The following GATA6 variants were observed in gnomAD, a reference collection of about 807,000 sequenced individuals.
GATA6 encodes the protein GATA binding protein 6.
A neutral mutation model predicts 48.1 loss-of-function variants in GATA6; 11 were observed. The ratio of observed to expected loss-of-function variants is 0.23; its 90% CI spans 0.14 to 0.38. The LOEUF is 0.38. Ranked by LOEUF, GATA6 falls within the 10% of genes least tolerant of loss-of-function variation. GATA6 has a pLI of 1.00. For missense variants in GATA6, 795 were observed against 850.3 expected (o/e 0.93, Z 0.81); for synonymous variants, 419 against 396.1 (o/e 1.06, Z -0.69).
In GATA6 at chr18:22,171,258, C is replaced by A. The variant is rs2033036391; in HGVS notation, c.114C>A (p.Pro38=). 6.3e-7 allele frequency: 1 copy of A among 1,598,324 alleles called. No homozygotes were observed. Among genetic ancestry groups the A allele is most frequent in the Non-Finnish European group, 8.5e-7 (1 of 1,178,852 alleles). The change falls in exon 2 of 7, where the codon CCC becomes CCA. Residue 38 remains proline (P), a synonymous_variant. Transcript: ENST00000269216. The surrounding 1 kb of genome is among the most constrained non-coding windows in gnomAD (Gnocchi z 7.1). The part of the protein sequence containing the change: ...PAREPSTPPS[P]ISSSSSSCSR... Reference sequence around the variant, plus strand: ...GGGAGCCCTCCACGCCGCCTTCCCCCATCTCTTCCTCGTCCTCCTCCTGCT... The same window carrying A: ...GGGAGCCCTCCACGCCGCCTTCCCCAATCTCTTCCTCGTCCTCCTCCTGCT...
At position 22,176,678 on chromosome 18, in the gene GATA6, T is replaced by C. The variant is rs188492970; in HGVS notation, c.1136-277T>C. On this transcript the variant is annotated intron_variant, in intron 2 of 6. Transcript: ENST00000269216. ...CAAGCCGACCTCCCCACCGCTCATC[T>C]CGGACTCTGACGTCCTCTGCTTCCA... is the stretch of plus-strand genomic sequence containing the variant. 1.0e-3 allele frequency: 388 copies of C among 387,114 alleles called. 3 individuals carry two copies. The highest frequency in any genetic ancestry group is 1.8e-3 in the Admixed American group (38 of 21,396). The allele number at this position is 387,114 out of a possible 1,614,324, so 24.0% of individuals were successfully genotyped here.
rs57925913 is a variant in GATA6, at chr18:22,191,032, C to CGTGT, written c.1620+8027_1620+8030dup. Reference sequence around the variant, plus strand: ...TTCCTTTTTTTTTTTTTTTAAATCTCGTGTGTGTGTGTGTGTGTGTGTGTG... The same window carrying CGTGT: ...TTCCTTTTTTTTTTTTTTTAAATCTCGTGTGTGTGTGTGTGTGTGTGTGTGTGTG... On this transcript the variant is annotated intron_variant, in intron 6 of 6. Transcript: ENST00000269216. Among the ~76,000 whole-genome samples the CGTGT allele has an allele frequency of 8.0e-3, 964 of 121,176 alleles. 12 individuals are homozygous for CGTGT. The highest frequency in any genetic ancestry group is 0.029 in the East Asian group (120 of 4,210). 79.5% of individuals were successfully genotyped at this position (121,176 alleles called of 152,430 possible). A position where few individuals can be genotyped will look rare whatever the true frequency, so the allele number is the denominator to read the frequency against.
intron 6 of GATA6, among the ~76,000 whole-genome samples, chr18:22,188,071 CTA>C (rs2033285456): frequency 6.6e-6 from 1 of 150,624 alleles, no homozygotes; most frequent in Non-Finnish European, 1.5e-5. Flanking sequence ...ATTTCTGTCT[CTA>C]TTTCTAGTTT....
intron 3 of GATA6, among the ~76,000 whole-genome samples, chr18:22,177,492 T>C (rs2033138338): frequency 6.6e-6 from 1 of 152,236 alleles, no homozygotes; most frequent in Admixed American, 6.5e-5. Flanking sequence ...TCTCTAGGTG[T>C]ACTTGCCAAA....
At chr18:22,175,145 T>A (rs939920032) in intron 2 of GATA6, among the ~76,000 whole-genome samples, 2 of 152,032 alleles carry the variant, frequency 1.3e-5, no homozygotes, top group African/African-American at 4.8e-5. Flanking sequence ...AAGACAGCAT[T>A]TTTTTTTCCT....
chr18:22,178,525 G>A (rs1450268882), intron 3 of GATA6, among the ~76,000 whole-genome samples: 1 of 152,200 alleles, frequency 6.6e-6, no homozygotes, highest in African/African-American at 2.4e-5. Context: ...CTAATTAGCA[G>A]GAACAAATGC....
At chr18:22,196,368 A>T (rs374283393) in intron 6 of GATA6, among the ~76,000 whole-genome samples, 2 of 152,158 alleles carry the variant, frequency 1.3e-5, no homozygotes. Flanking sequence ...ATTTTCGCCA[A>T]TTGCTTTTGG....
At chr18:22,195,767 C>T (rs897257547) in intron 6 of GATA6, among the ~76,000 whole-genome samples, 1 of 152,098 alleles carries the variant, frequency 6.6e-6, no homozygotes, top group Non-Finnish European at 1.5e-5. Context: ...CCATTTTGCT[C>T]CATGATCTTA....
Position 22,200,669 on chromosome 18 carries a change from T to A in GATA6, c.1634T>A (p.Val545Glu), listed in dbSNP as rs750440428. ...CTCTTCTGCCAGGCGGGTGCCCCGGTGATGACTGGTGCGGGAGAGAGCACC... is the reference window on the plus strand; with the variant it reads ...CTCTTCTGCCAGGCGGGTGCCCCGGAGATGACTGGTGCGGGAGAGAGCACC... ...QPTASGAGAPVMTGAGESTNP... is the reference protein window; with the variant it reads ...QPTASGAGAPEMTGAGESTNP... Residue 545 changes from valine to glutamate, a missense_variant, in exon 7 of 7, where the codon GTG (valine) becomes GAG (glutamate). By Grantham distance (121) the Val-to-Glu change is moderately radical (BLOSUM62 -2). Coordinates refer to ENST00000269216, the MANE Select transcript of GATA6 (RefSeq NM_005257.6). The A allele has an allele frequency of 2.5e-6, 4 of 1,614,116 alleles. No individual in the cohort carries two copies. The highest frequency in any genetic ancestry group is 3.4e-6 in the Non-Finnish European group (4 of 1,180,052).
At chr18:22,176,314 AT>A (rs376865272) in intron 2 of GATA6, among the ~76,000 whole-genome samples, 6 of 152,258 alleles carry the variant, frequency 3.9e-5, no homozygotes, top group Non-Finnish European at 8.8e-5. Flanking sequence ...ACGTTAGTGC[AT>A]TTTTCCCCTG....
At position 22,201,775 on chromosome 18, in the gene GATA6, G is replaced by C. The variant is rs1479310031; in HGVS notation, c.*952G>C. On this transcript the variant is annotated 3_prime_UTR_variant, in exon 7 of 7. Coordinates refer to ENST00000269216, the MANE Select transcript of GATA6 (RefSeq NM_005257.6). Reference sequence around the variant, plus strand: ...TTTATTTTACTGTGGAATATGTGCTGGAAAAATTGCAACAACACTTTACTA... The same window carrying C: ...TTTATTTTACTGTGGAATATGTGCTCGAAAAATTGCAACAACACTTTACTA... 6.6e-6 allele frequency: 1 copy of C among 152,506 alleles called. No individual in the cohort carries two copies. The highest frequency in any genetic ancestry group is 2.4e-5 in the African/African-American group (1 of 41,400). The allele number at this position is 152,506 out of a possible 1,614,324, so 9.4% of individuals were successfully genotyped here.
At chr18:22,187,974 C>T (rs748085977) in intron 6 of GATA6, among the ~76,000 whole-genome samples, 12 of 151,830 alleles carry the variant, frequency 7.9e-5, no homozygotes, top group African/African-American at 1.7e-4. Context: ...CAGTGGCTCA[C>T]GCCTGTAATC....
At chr18:22,173,251 C>T (rs1008954405) in intron 2 of GATA6, among the ~76,000 whole-genome samples, 4 of 152,182 alleles carry the variant, frequency 2.6e-5, no homozygotes, top group African/African-American at 9.7e-5. Flanking sequence ...ATTCTGCGTC[C>T]TTGGTGCTTT....
rs2143272545 is a variant in GATA6, at chr18:22,170,933, A to G, written c.-37-175A>G. 3 of 600,160 alleles carry G rather than the reference A, an allele frequency of 5.0e-6. No homozygotes were observed. The highest frequency in any genetic ancestry group is 5.5e-5 in the Admixed American group (2 of 36,652). 37.2% of individuals were successfully genotyped at this position (600,160 alleles called of 1,614,324 possible). On this transcript the variant is annotated intron_variant, in intron 1 of 6. Coordinates refer to ENST00000269216, the MANE Select transcript of GATA6 (RefSeq NM_005257.6). The surrounding 1 kb of genome is among the most constrained non-coding windows in gnomAD (Gnocchi z 6.7). ...TGCGCAGGCTCCCTTCCCCTCCCTT[A>G]TTGATCTCCACGCCCGGGGCAGAAA...
chr18:22,185,487 G>A lies in GATA6; in HGVS notation c.1620+2444G>A, dbSNP rs545064407. On this transcript the variant is annotated intron_variant, in intron 6 of 6. Transcript: ENST00000269216. The surrounding 1 kb of genome is among the most constrained non-coding windows in gnomAD (Gnocchi z 4.3). ...CCGAGCTCTCCAGCCTCTGGGCTGC[G>A]CAGCAGAAACACTGACTGCCATTAC... Among the ~76,000 whole-genome samples, 10 of 152,382 alleles carry A rather than the reference G, an allele frequency of 6.6e-5. No individual in the cohort carries two copies. Among genetic ancestry groups the A allele is most frequent in the South Asian group, 2.1e-4 (1 of 4,832 alleles).
At chr18:22,195,979 C>T (rs1478351792) in intron 6 of GATA6, among the ~76,000 whole-genome samples, 5 of 152,228 alleles carry the variant, frequency 3.3e-5, no homozygotes, top group Admixed American at 6.5e-5. Context: ...AATTATAGGG[C>T]GAAGTAGGGT....
chr18:22,171,794 G>T lies in GATA6; in HGVS notation c.650G>T (p.Gly217Val), dbSNP rs2033053897. ...GSGSGPANHA[G>V]GAGAHPGWPQ... ...GGCAGTGGGCCAGCCAACCACGCGG[G>T]CGGCGCGGGCGCGCACCCCGGCTGG... Residue 217 changes from glycine (G) to valine (V), a missense_variant, in exon 2 of 7, where the codon GGC becomes GTC. Around this residue, in one of 5 missense-constraint regions of GATA6, gnomAD observed 591 missense variants for 570.0 expected, o/e 1.04. Coordinates refer to ENST00000269216, the MANE Select transcript of GATA6 (RefSeq NM_005257.6). This position sits in a 1 kb window ranked among gnomAD's most constrained non-coding sequence, Gnocchi z 7.1. The T allele has an allele frequency of 3.8e-6, 5 of 1,304,602 alleles. No individual in the cohort carries two copies. The highest frequency in any genetic ancestry group is 4.8e-6 in the Non-Finnish European group (5 of 1,035,042). The allele number at this position is 1,304,602 out of a possible 1,614,324, so 80.8% of individuals were successfully genotyped here.
chr18:22,201,459 CAAT>C lies in GATA6; in HGVS notation c.*640_*642del, dbSNP rs2033461593. On this transcript the variant is annotated 3_prime_UTR_variant, in exon 7 of 7. Transcript: ENST00000269216. ...ACAAGATATTTTTCTTCCATGTATA[CAAT>C]AATTTTTTTAAAAAGTGCAATTTGC... The C allele has an allele frequency of 6.5e-6, 1 of 152,780 alleles. No homozygotes were observed. Among genetic ancestry groups the C allele is most frequent in the African/African-American group, 2.4e-5 (1 of 41,432 alleles). 9.5% of individuals were successfully genotyped at this position (152,780 alleles called of 1,614,324 possible).
rs1041399971 is a variant in GATA6, at chr18:22,172,755, A to T, written c.1135+476A>T. 6.6e-6 allele frequency among the ~76,000 whole-genome samples: 1 copy of T among 152,138 alleles called. No individual in the cohort carries two copies. The highest frequency in any genetic ancestry group is 6.5e-5 in the Admixed American group (1 of 15,272). On this transcript the variant is annotated intron_variant, in intron 2 of 6. Coordinates refer to ENST00000269216, the MANE Select transcript of GATA6 (RefSeq NM_005257.6). The surrounding 1 kb of genome is among the most constrained non-coding windows in gnomAD (Gnocchi z 5.2). ...CACACAAGCACATGCAGGCTCACCC[A>T]GTTTAACTCTCCAAAGGGTGCGTGT... is the stretch of plus-strand genomic sequence containing the variant.
Sources: gnomAD v4.1 joint callset for allele counts (sites outside exome capture counted in the v4.1 genomes callset) on GRCh38, gnomAD v4.1.1 for gene constraint, gnomAD v4.1.1 regional missense constraint, Gnocchi (gnomAD v3.1) non-coding constraint, MANE v1.5 for transcripts, NCBI Gene and HGNC (gene_info 2026-07-23, HGNC 2026-07-21) for gene names.